TFAP2E: variants seen among roughly 807,000 people sequenced by gnomAD.
TFAP2E encodes transcription factor AP-2 epsilon, also known as transcription factor AP-2-epsilon.
A neutral mutation model predicts 37.9 loss-of-function variants in TFAP2E; 30 were observed. The ratio of observed to expected loss-of-function variants is 0.79; its 90% CI spans 0.59 to 1.07. The LOEUF (loss-of-function observed/expected upper bound fraction) is 1.07. TFAP2E is among the 50% of genes least tolerant of loss of function. The pLI is 0.00. For missense variants in TFAP2E, 567 were observed against 637.9 expected (o/e 0.89, Z 1.20); for synonymous variants, 318 against 295.8 (o/e 1.08, Z -0.77).
intron 3 of TFAP2E, among the ~76,000 whole-genome samples, chr1:35,579,588 T>G (rs894265432): frequency 6.6e-6 from 1 of 151,776 alleles, no homozygotes; most frequent in African/African-American, 2.4e-5. Flanking sequence ...AGGGGCGTGG[T>G]TTCACCATGT....
chr1:35,583,603 A>AGTGTGTGTGTGTGTGTGT (rs201106841), intron 3 of TFAP2E, among the ~76,000 whole-genome samples: 4 of 138,006 alleles, frequency 2.9e-5, no homozygotes, highest in African/African-American at 7.9e-5. Flanking sequence ...TGTCTGCAGG[A>AGTGTGTGTGTGTGTGTGT]GTGTGTGTGT....
At position 35,574,319 on chromosome 1, in the gene TFAP2E, G is replaced by T; in HGVS notation, c.420G>T (p.Leu140=). 6.9e-7 allele frequency: 1 copy of T among 1,454,124 alleles called. No individual in the cohort carries two copies. The highest frequency in any genetic ancestry group is 1.5e-5 in the African/African-American group (1 of 67,030). The allele number at this position is 1,454,124 out of a possible 1,614,324, so 90.1% of individuals were successfully genotyped here. The part of the protein sequence containing the change: ...RDYATAVPRL[L]HGLADGAHGL... ...ATGCCACTGCCGTGCCCCGGCTCCT[G>T]CACGGCCTGGCCGACGGCGCGCACG... The change falls in exon 2 of 7, where the codon CTG becomes CTT. Residue 140 remains leucine, a synonymous_variant. Transcript: ENST00000373235.
chr1:35,576,340 G>A (rs2148545490), intron 3 of TFAP2E, among the ~76,000 whole-genome samples: 1 of 152,300 alleles, frequency 6.6e-6, no homozygotes, highest in Non-Finnish European at 1.5e-5. Context: ...GTGTCGCTTG[G>A]AACTGGGAGT....
At chr1:35,589,100 T>C (rs1473734512) in intron 4 of TFAP2E, among the ~76,000 whole-genome samples, 1 of 151,940 alleles carries the variant, frequency 6.6e-6, no homozygotes, top group Non-Finnish European at 1.5e-5. Flanking sequence ...GTGTCTATAG[T>C]AGCGGATGGC....
At position 35,573,682 on chromosome 1, in the gene TFAP2E, C is replaced by A; in HGVS notation, c.27+78C>A. 6.6e-7 allele frequency: 1 copy of A among 1,505,892 alleles called. No homozygotes were observed. The highest frequency in any genetic ancestry group is 8.9e-7 in the Non-Finnish European group (1 of 1,125,620). The allele number at this position is 1,505,892 out of a possible 1,614,324, so 93.3% of individuals were successfully genotyped here. ...GTGCTGGACTTTCCAACCCTCCTGT[C>A]CCGCGCTAACGAAATCTCGGAGGGA... On this transcript the variant is annotated intron_variant, in intron 1 of 6. Transcript: ENST00000373235. The surrounding 1 kb of genome is among the most constrained non-coding windows in gnomAD (Gnocchi z 5.9).
At position 35,573,853 on chromosome 1, in the gene TFAP2E, T is replaced by G; in HGVS notation, c.28-74T>G. The G allele has an allele frequency of 7.2e-7, 1 of 1,398,434 alleles. No homozygotes were observed. The highest frequency in any genetic ancestry group is 9.2e-7 in the Non-Finnish European group (1 of 1,083,096). 86.6% of individuals were successfully genotyped at this position (1,398,434 alleles called of 1,614,324 possible). On this transcript the variant is annotated intron_variant, in intron 1 of 6. Transcript: ENST00000373235. The surrounding 1 kb of genome is among the most constrained non-coding windows in gnomAD (Gnocchi z 5.9). The stretch of plus-strand genomic sequence containing the variant: ...GGACTGCAGCTGAACCCTCCCGAGC[T>G]GAGGAGGATCCTTTCAGGCTGGGGT...
rs776271935 is a variant in TFAP2E, at chr1:35,594,466, C to T, written c.1119C>T (p.Leu373=). The T allele has an allele frequency of 6.2e-7, 1 of 1,614,226 alleles. No individual in the cohort carries two copies. Among genetic ancestry groups the T allele is most frequent in the Non-Finnish European group, 8.5e-7 (1 of 1,180,038 alleles). The part of the protein sequence containing the change: ...RSPLGNSRPA[L]ILEPGVQSCL... ...CGCTGGGCAACAGCCGCCCAGCACT[C>T]ATCCTGGAGCCCGGAGTACAGAGCT... Residue 373 remains leucine (L), a synonymous_variant, in exon 7 of 7, where the codon CTC becomes CTT. Transcript: ENST00000373235.
chr1:35,585,986 T>G (rs1649469134), intron 3 of TFAP2E, among the ~76,000 whole-genome samples: 1 of 152,050 alleles, frequency 6.6e-6, no homozygotes, highest in East Asian at 1.9e-4. Context: ...GAGGTGGTGG[T>G]TGCAGTGAGC....
At chr1:35,575,079 C>A in intron 3 of TFAP2E, 79 bp downstream of exon 3, 1 of 1,578,750 alleles carries the variant, frequency 6.3e-7, no homozygotes, top group Non-Finnish European at 8.7e-7. Context: ...CTTCACCGGC[C>A]GTGCCTCCTG....
intron 3 of TFAP2E, among the ~76,000 whole-genome samples, chr1:35,576,983 G>A (rs1649195795): frequency 7.2e-6 from 1 of 139,142 alleles, no homozygotes; most frequent in South Asian, 2.5e-4. Flanking sequence ...AGCGCCAGCG[G>A]GACCCCAGCG....
At position 35,588,505 on chromosome 1, in the gene TFAP2E, G is replaced by C; in HGVS notation, c.738G>C (p.Ser246=). The change falls in exon 4 of 7, where the codon TCG becomes TCC. Residue 246 remains serine, a synonymous_variant. Coordinates refer to ENST00000373235, the MANE Select transcript of TFAP2E (RefSeq NM_178548.4). This position sits in a 1 kb window ranked among gnomAD's most constrained non-coding sequence, Gnocchi z 5.1. ...TGGGGGAGGTGCAGCGGCGACTCTC[G>C]CCTCCCGAGTGCCTCAACGCCTCCC... ...VTVGEVQRRL[S]PPECLNASLL... is the part of the protein sequence containing the mutation. 6.2e-7 allele frequency: 1 copy of C among 1,605,698 alleles called. No homozygotes were observed. The highest frequency in any genetic ancestry group is 8.5e-7 in the Non-Finnish European group (1 of 1,177,026).
intron 4 of TFAP2E, among the ~76,000 whole-genome samples, chr1:35,589,493 C>CGTGTGT (rs67449985): frequency 3.4e-5 from 4 of 118,276 alleles, no homozygotes; most frequent in African/African-American, 6.2e-5. Flanking sequence ...TATTCTTTCA[C>CGTGTGT]GTGTGTGTGT....
chr1:35,573,944 G>A lies in TFAP2E; in HGVS notation c.45G>A (p.Leu15=). Residue 15 remains leucine, a synonymous_variant, in exon 2 of 7, where the codon CTG becomes CTA. Transcript: ENST00000373235. This position sits in a 1 kb window ranked among gnomAD's most constrained non-coding sequence, Gnocchi z 5.9. ...TYSAMERPDG[L]GAAAGGARLS... is the part of the protein sequence containing the mutation. ...TTCCCCAGGAGCGCCCCGACGGGCT[G>A]GGAGCAGCTGCCGGCGGGGCCCGCC... The A allele has an allele frequency of 1.4e-6, 2 of 1,455,238 alleles. No individual in the cohort carries two copies. The highest frequency in any genetic ancestry group is 1.8e-6 in the Non-Finnish European group (2 of 1,119,180). 90.1% of individuals were successfully genotyped at this position (1,455,238 alleles called of 1,614,324 possible). A position where few individuals can be genotyped will look rare whatever the true frequency, so the allele number is the denominator to read the frequency against.
In TFAP2E at chr1:35,586,867, G is replaced by T. The variant is rs966056424; in HGVS notation, c.563-1463G>T. ...TTCCTCAGCCCTGGCACCATTCTTG[G>T]CATGAAAGTGCTCAGCCAATATTGC... On this transcript the variant is annotated intron_variant, in intron 3 of 6. Coordinates refer to ENST00000373235, the MANE Select transcript of TFAP2E (RefSeq NM_178548.4). 9.9e-5 allele frequency among the ~76,000 whole-genome samples: 15 copies of T among 152,182 alleles called. 1 individual carries two copies. Among genetic ancestry groups the T allele is most frequent in the African/African-American group, 3.4e-4 (14 of 41,448 alleles).
intron 3 of TFAP2E, among the ~76,000 whole-genome samples, chr1:35,585,982 G>A (rs1649468940): frequency 6.6e-6 from 1 of 152,128 alleles, no homozygotes; most frequent in Admixed American, 6.5e-5. Context: ...CTGGGAGGTG[G>A]TGGTTGCAGT....
At chr1:35,576,683 G>A (rs1649181305) in intron 3 of TFAP2E, among the ~76,000 whole-genome samples, 1 of 152,188 alleles carries the variant, frequency 6.6e-6, no homozygotes, top group African/African-American at 2.4e-5. Flanking sequence ...CGGAACCCCG[G>A]TCCGAAGCCG....
At chr1:35,589,497 T>C (rs1649590319) in intron 4 of TFAP2E, among the ~76,000 whole-genome samples, 1 of 151,656 alleles carries the variant, frequency 6.6e-6, no homozygotes, top group African/African-American at 2.4e-5. Context: ...CTTTCACGTG[T>C]GTGTGTGTGT....
chr1:35,575,179 C>A (rs1649134952), intron 3 of TFAP2E, among the ~76,000 whole-genome samples, 179 bp downstream of exon 3: 1 of 152,210 alleles, frequency 6.6e-6, no homozygotes. Context: ...TTGCCCAGCA[C>A]CCTGTGGCCT....
intron 3 of TFAP2E, among the ~76,000 whole-genome samples, chr1:35,583,603 A>AGTGTGT (rs201106841): frequency 0.055 from 7,553 of 137,922 alleles, 482 homozygotes; most frequent in African/African-American, 0.15. Context: ...TGTCTGCAGG[A>AGTGTGT]GTGTGTGTGT....
Sources: allele counts gnomAD v4.1 joint callset (sites outside exome capture counted in the v4.1 genomes callset), GRCh38; gene constraint gnomAD v4.1.1; non-coding constraint Gnocchi (gnomAD v3.1); transcripts MANE v1.5; gene names NCBI Gene and HGNC (gene_info 2026-07-23, HGNC 2026-07-21).